The following DUSP6 variants were observed in gnomAD, a reference collection of about 807,000 sequenced individuals.
The protein encoded by DUSP6 is dual specificity protein phosphatase 6.
A neutral mutation model predicts 28.0 loss-of-function variants in DUSP6; 6 were observed. The observed-to-expected ratio is 0.21, with a 90% CI of 0.12 to 0.42. The LOEUF (loss-of-function observed/expected upper bound fraction) is 0.42, where lower values mean the gene tolerates loss of function less well. DUSP6 is among the 10% of genes least tolerant of loss of function. DUSP6 has a pLI of 1.00. For missense variants in DUSP6, 451 were observed against 498.1 expected (o/e 0.91, Z 0.90); for synonymous variants, 252 against 217.5 (o/e 1.16, Z -1.40).
In DUSP6 at chr12:89,348,272, A is replaced by G. The variant is rs971982194; in HGVS notation, c.*982T>C. 1 of 152,634 alleles carries G rather than the reference A, an allele frequency of 6.6e-6. No individual in the cohort carries two copies. Among genetic ancestry groups the G allele is most frequent in the African/African-American group, 2.4e-5 (1 of 41,440 alleles). The allele number at this position is 152,634 out of a possible 1,614,324, so 9.5% of individuals were successfully genotyped here. On this transcript the variant is annotated 3_prime_UTR_variant, in exon 3 of 3. Coordinates refer to ENST00000279488, the MANE Select transcript of DUSP6 (RefSeq NM_001946.4). ...TTTTTTAAAGGAAAGAAACCAACCC[A>G]AAGTATTGCATTTGAGGTGACACTC...
chr12:89,352,222 G>T lies in DUSP6; in HGVS notation c.-183C>A. On this transcript the variant is annotated 5_prime_UTR_variant, in exon 1 of 3. Coordinates refer to ENST00000279488, the MANE Select transcript of DUSP6 (RefSeq NM_001946.4). ...AGAAGTAAAGCCGGAGGTTCTCTCTGCACCCAGCTGCAGCCGCTGGCTCTT... is the reference window on the plus strand; with the variant it reads ...AGAAGTAAAGCCGGAGGTTCTCTCTTCACCCAGCTGCAGCCGCTGGCTCTT... The T allele has an allele frequency of 1.2e-6, 1 of 811,216 alleles. No homozygotes were observed. The highest frequency in any genetic ancestry group is 1.9e-6 in the Non-Finnish European group (1 of 528,520). 50.3% of individuals were successfully genotyped at this position (811,216 alleles called of 1,614,324 possible).
rs747659597 is a variant in DUSP6 at position 89,350,805 on chromosome 12, T to C, written c.621A>G (p.Pro207=). ...AGTAGAGGAAGGGCAAGATCTCCAC[T>C]GGGAAGGAAGGCTGGCTGTTGGACA... ...SPLSNSQPSF[P]VEILPFLYLG... The change falls in exon 2 of 3, where the codon CCA becomes CCG. Residue 207 remains proline, a synonymous_variant. Transcript: ENST00000279488. 16 of 1,613,922 alleles carry C rather than the reference T, an allele frequency of 9.9e-6. No individual in the cohort carries two copies. The highest frequency in any genetic ancestry group is 1.7e-5 in the Admixed American group (1 of 59,992).
At position 89,352,013 on chromosome 12, in the gene DUSP6, G is replaced by A. The variant is rs749090170; in HGVS notation, c.27C>T (p.Pro9=). ...TGCTGATCGCCATTTCCGACGCGAA[G>A]GGCACGGGTCTGAGCGTATCTATCA... The part of the protein sequence containing the change: MIDTLRPV[P]FASEMAISKT... Residue 9 remains proline (P), a synonymous_variant, in exon 1 of 3, where the codon CCC becomes CCT. Transcript: ENST00000279488. 37 of 1,612,866 alleles carry A rather than the reference G, an allele frequency of 2.3e-5. No homozygotes were observed. In the African/African-American group the frequency reaches 4.1e-4, roughly 18 times the overall value.
In DUSP6 at chr12:89,349,351, C is replaced by T; in HGVS notation, c.1049G>A (p.Ser350Asn). 6.2e-7 allele frequency: 1 copy of T among 1,614,200 alleles called. No homozygotes were observed. The highest frequency in any genetic ancestry group is 8.5e-7 in the Non-Finnish European group (1 of 1,180,032). ...TGGAACCCTGTTGTCACATGGGCTG[C>T]TGAGTCCCAGCGTCCTCTCGAAGTC... ...LLDFERTLGLSSPCDNRVPAQ... is the reference protein window; with the variant it reads ...LLDFERTLGLNSPCDNRVPAQ... Residue 350 changes from serine to asparagine, a missense_variant, in exon 3 of 3, where the codon AGC becomes AAC. Transcript: ENST00000279488.
rs560840124 is a variant in DUSP6 at position 89,352,484 on chromosome 12, G to A, written c.-445C>T. 3.5e-5 allele frequency: 6 copies of A among 172,042 alleles called. No individual in the cohort carries two copies. In the South Asian group the frequency reaches 6.6e-4, roughly 19 times the overall value. 10.7% of individuals were successfully genotyped at this position (172,042 alleles called of 1,614,324 possible). ...TCAGCCTCGCACACCCCCTGCGCGA[G>A]GCAGCTCCTCAATGGATACAAACAG... On this transcript the variant is annotated 5_prime_UTR_variant, in exon 1 of 3. Coordinates refer to ENST00000279488, the MANE Select transcript of DUSP6 (RefSeq NM_001946.4).
chr12:89,350,566 G>A (rs371206398), intron 2 of DUSP6, 22 bp downstream of exon 2: 51 of 1,597,124 alleles, frequency 3.2e-5, no homozygotes, highest in African/African-American at 3.1e-4. Flanking sequence ...ATGTCAGAGC[G>A]ACGACTATTA....
chr12:89,349,462 T>G lies in DUSP6; in HGVS notation c.938A>C (p.Asn313Thr), dbSNP rs12828557. 1 of 1,614,176 alleles carries G rather than the reference T, an allele frequency of 6.2e-7. No individual in the cohort carries two copies. The highest frequency in any genetic ancestry group is 8.5e-7 in the Non-Finnish European group (1 of 1,180,004). Residue 313 changes from asparagine (N) to threonine (T), a missense_variant, in exon 3 of 3, where the codon AAT becomes ACT. Asn to Thr is a moderately conservative substitution (Grantham distance 65, BLOSUM62 0). Around this residue, in one of 2 missense-constraint regions of DUSP6, gnomAD observed 104 missense variants for 151.4 expected, o/e 0.69. Transcript: ENST00000279488. The part of the protein sequence containing the change: ...VTVAYLMQKL[N>T]LSMNDAYDIV... The stretch of plus-strand genomic sequence containing the variant: ...GTCATAGGCATCGTTCATCGACAGA[T>G]TGAGCTTCTGCATAAGGTAAGCCAC...
chr12:89,351,551 C>T lies in DUSP6; in HGVS notation c.400+89G>A, dbSNP rs1403925325. Reference sequence around the variant, plus strand: ...GCGCGGCTCCGAAGCTCCAGCTGAGCGGAGCAGAGGTATTTTCAATCCACG... The same window carrying T: ...GCGCGGCTCCGAAGCTCCAGCTGAGTGGAGCAGAGGTATTTTCAATCCACG... On this transcript the variant is annotated intron_variant, in intron 1 of 2. Transcript: ENST00000279488. 9.0e-6 allele frequency: 13 copies of T among 1,441,730 alleles called. No homozygotes were observed. The Admixed American group carries it at 1.1e-4, about 12-fold the overall frequency. The allele number at this position is 1,441,730 out of a possible 1,614,324, so 89.3% of individuals were successfully genotyped here.
chr12:89,350,799 C>A lies in DUSP6; in HGVS notation c.627G>T (p.Glu209Asp), dbSNP rs1249974931. Residue 209 changes from glutamate to aspartate, a missense_variant, in exon 2 of 3, where the codon GAG becomes GAT. Coordinates refer to ENST00000279488, the MANE Select transcript of DUSP6 (RefSeq NM_001946.4). ...AGCCCAAGTAGAGGAAGGGCAAGAT[C>A]TCCACTGGGAAGGAAGGCTGGCTGT... ...LSNSQPSFPV[E>D]ILPFLYLGCA... The A allele has an allele frequency of 6.2e-7, 1 of 1,614,114 alleles. No individual in the cohort carries two copies. The highest frequency in any genetic ancestry group is 8.5e-7 in the Non-Finnish European group (1 of 1,180,040).
chr12:89,350,141 C>T (rs1646826776), intron 2 of DUSP6, among the ~76,000 whole-genome samples: 1 of 152,246 alleles, frequency 6.6e-6, no homozygotes, highest in African/African-American at 2.4e-5. Context: ...TTACCAGTAT[C>T]ACCGCATCAT....
rs963748439 is a variant in DUSP6 at position 89,349,030 on chromosome 12, C to G, written c.*224G>C. On this transcript the variant is annotated 3_prime_UTR_variant, in exon 3 of 3. Transcript: ENST00000279488. ...CTGTACACATGGGTACAGAGCAAAC[C>G]TACTGCCTGTATCTATACAGCATGT... is the stretch of plus-strand genomic sequence containing the variant. 1.8e-6 allele frequency: 1 copy of G among 554,548 alleles called. No homozygotes were observed. Among genetic ancestry groups the G allele is most frequent in the Non-Finnish European group, 3.2e-6 (1 of 313,024 alleles). The allele number at this position is 554,548 out of a possible 1,614,324, so 34.4% of individuals were successfully genotyped here. A position where few individuals can be genotyped will look rare whatever the true frequency, so the allele number is the denominator to read the frequency against.
intron 1 of DUSP6, 70 bp downstream of exon 1, chr12:89,351,570 A>G (rs750382042): frequency 2.0e-6 from 3 of 1,477,180 alleles, no homozygotes; most frequent in East Asian, 5.0e-5. Flanking sequence ...GGTATTTTCA[A>G]TCCACGCGCC....
Position 89,349,105 on chromosome 12 carries a change from A to G in DUSP6, c.*149T>C. The G allele has an allele frequency of 3.7e-6, 3 of 805,614 alleles. No individual in the cohort carries two copies. The highest frequency in any genetic ancestry group is 5.8e-6 in the Non-Finnish European group (3 of 514,698). 49.9% of individuals were successfully genotyped at this position (805,614 alleles called of 1,614,324 possible). A position where few individuals can be genotyped will look rare whatever the true frequency, so the allele number is the denominator to read the frequency against. On this transcript the variant is annotated 3_prime_UTR_variant, in exon 3 of 3. Coordinates refer to ENST00000279488, the MANE Select transcript of DUSP6 (RefSeq NM_001946.4). ...CAAATCTCTCTGTTAGTATTAACCAATTCCGCACTTGGTAACCTTGTCTAG... is the reference window on the plus strand; with the variant it reads ...CAAATCTCTCTGTTAGTATTAACCAGTTCCGCACTTGGTAACCTTGTCTAG...
chr12:89,348,886 T>C lies in DUSP6; in HGVS notation c.*368A>G, dbSNP rs1879079367. The C allele has an allele frequency of 5.5e-6, 1 of 181,962 alleles. No individual in the cohort carries two copies. The highest frequency in any genetic ancestry group is 5.6e-5 in the Admixed American group (1 of 17,790). The allele number at this position is 181,962 out of a possible 1,614,324, so 11.3% of individuals were successfully genotyped here. ...TCATTGAAGACAATTATATAGTCAG[T>C]TCCAGATGCAAAAGGAAACAGCCTT... On this transcript the variant is annotated 3_prime_UTR_variant, in exon 3 of 3. Coordinates refer to ENST00000279488, the MANE Select transcript of DUSP6 (RefSeq NM_001946.4).
chr12:89,351,093 C>T (rs1199788446), intron 1 of DUSP6, 68 bp from the exon 2 acceptor site: 1 of 1,483,180 alleles, frequency 6.7e-7, no homozygotes, highest in Non-Finnish European at 9.0e-7. Context: ...TTGTAAGAAC[C>T]GCAGCCCGGC....
At position 89,351,625 on chromosome 12, in the gene DUSP6, T is replaced by G; in HGVS notation, c.400+15A>C. 1 of 1,586,204 alleles carries G rather than the reference T, an allele frequency of 6.3e-7. No individual in the cohort carries two copies. The highest frequency in any genetic ancestry group is 8.6e-7 in the Non-Finnish European group (1 of 1,164,328). On this transcript the variant is annotated intron_variant, in intron 1 of 2. Transcript: ENST00000279488. The stretch of plus-strand genomic sequence containing the variant: ...CCTAGCCCTGCCCCGCGCGCGGAGT[T>G]CCCTGGGCGCGTACCTTCCAGGTAG...
intron 1 of DUSP6, 134 bp downstream of exon 1, chr12:89,351,506 T>C: frequency 2.2e-6 from 3 of 1,390,696 alleles, no homozygotes; most frequent in Non-Finnish European, 2.8e-6. Context: ...CCTCGCCGGC[T>C]GCCGGTCCCT....
chr12:89,350,757 G>T lies in DUSP6; in HGVS notation c.669C>A (p.Thr223=), dbSNP rs778993281. 6.2e-7 allele frequency: 1 copy of T among 1,614,114 alleles called. No individual in the cohort carries two copies. Among genetic ancestry groups the T allele is most frequent in the Non-Finnish European group, 8.5e-7 (1 of 1,180,032 alleles). Residue 223 remains threonine, a synonymous_variant, in exon 2 of 3, where the codon ACC becomes ACA. Coordinates refer to ENST00000279488, the MANE Select transcript of DUSP6 (RefSeq NM_001946.4). ...FLYLGCAKDS[T]NLDVLEEFGI... is the part of the protein sequence containing the mutation. ...CGAATTCCTCCAACACGTCCAAGTTGGTGGAGTCTTTGGCACAGCCCAAGT... is the reference window on the plus strand; with the variant it reads ...CGAATTCCTCCAACACGTCCAAGTTTGTGGAGTCTTTGGCACAGCCCAAGT...
chr12:89,349,019 A>G lies in DUSP6; in HGVS notation c.*235T>C. On this transcript the variant is annotated 3_prime_UTR_variant, in exon 3 of 3. Transcript: ENST00000279488. ...GCATGGGTAGGCTGTACACATGGGTACAGAGCAAACCTACTGCCTGTATCT... is the reference window on the plus strand; with the variant it reads ...GCATGGGTAGGCTGTACACATGGGTGCAGAGCAAACCTACTGCCTGTATCT... 1 of 519,782 alleles carries G rather than the reference A, an allele frequency of 1.9e-6. No individual in the cohort carries two copies. Among genetic ancestry groups the G allele is most frequent in the Non-Finnish European group, 3.4e-6 (1 of 290,816 alleles). 32.2% of individuals were successfully genotyped at this position (519,782 alleles called of 1,614,324 possible).
Sources: allele counts gnomAD v4.1 joint callset (sites outside exome capture counted in the v4.1 genomes callset), GRCh38; gene constraint gnomAD v4.1.1; regional missense constraint gnomAD v4.1.1; transcripts MANE v1.5; gene names NCBI Gene and HGNC (gene_info 2026-07-23, HGNC 2026-07-21).